Variants in RARB observed in about 807,000 individuals in gnomAD.
The protein encoded by RARB is HBV-activated protein.
RARB carries 17 observed loss-of-function variants against 51.9 expected under a neutral mutation model. The ratio of observed to expected loss-of-function variants is 0.33; its 90% CI spans 0.22 to 0.49. The LOEUF is 0.49. Among genes scored for constraint, RARB ranks in the 20% least tolerant of loss-of-function variants. The probability of loss-of-function intolerance (pLI) is 0.99; values close to 1 mark genes in which losing one functional copy is unlikely to be tolerated. For synonymous variants in RARB, 215 were observed against 195.4 expected, an observed-to-expected ratio of 1.10 and a Z score of -0.84; for missense variants, 369 against 550.8, an observed-to-expected ratio of 0.67 and a Z score of 3.30.
At chr3:25,393,394 T>C (rs1362303891) in intron 5 of RARB, among the ~76,000 whole-genome samples, 2 of 151,994 alleles carry the variant, frequency 1.3e-5, no homozygotes, top group African/African-American at 2.4e-5. Context: ...TAGGGTGATA[T>C]TGGCTTCATA....
chr3:25,510,444 T>C (rs941574153), intron 3 of RARB, among the ~76,000 whole-genome samples: 2 of 151,660 alleles, frequency 1.3e-5, no homozygotes, highest in African/African-American at 4.8e-5. Flanking sequence ...GGCAACACAG[T>C]GAAACCCTGT....
At chr3:25,272,125 A>C (rs1263141738) in intron 5 of RARB, among the ~76,000 whole-genome samples, 1 of 152,250 alleles carries the variant, frequency 6.6e-6, no homozygotes, top group Admixed American at 6.5e-5. Flanking sequence ...GAAAGTATAG[A>C]TATAAAACAT....
intron 5 of RARB, among the ~76,000 whole-genome samples, chr3:25,363,577 A>T (rs76368690): frequency 2.6e-3 from 396 of 152,258 alleles, no homozygotes; most frequent in Non-Finnish European, 3.1e-3. Context: ...ACTCCACCAC[A>T]GTATGGGTCT....
At chr3:25,128,110 A>G (rs1004108251) in intron 3 of RARB, among the ~76,000 whole-genome samples, 1 of 152,200 alleles carries the variant, frequency 6.6e-6, no homozygotes, top group African/African-American at 2.4e-5. Context: ...TCACTGGGGT[A>G]TTTAATTCCT....
intron 4 of RARB, among the ~76,000 whole-genome samples, chr3:25,157,872 G>A (rs1026214511): frequency 2.0e-5 from 3 of 151,984 alleles, no homozygotes; most frequent in Admixed American, 6.6e-5. Flanking sequence ...TTATTTGCAC[G>A]GTGTGAATTC....
intron 2 of RARB, among the ~76,000 whole-genome samples, chr3:24,908,662 T>TG (rs1694922635): frequency 1.2e-5 from 1 of 86,414 alleles, no homozygotes; most frequent in Non-Finnish European, 2.2e-5. Context: ...TAACCACAAC[T>TG]GTTTTTTTTT....
chr3:25,583,001 G>A (rs1309482628), intron 5 of RARB, among the ~76,000 whole-genome samples: 2 of 152,218 alleles, frequency 1.3e-5, no homozygotes, highest in African/African-American at 4.8e-5. Flanking sequence ...GGCAATTTCA[G>A]CCCTGTGGTG....
chr3:25,250,213 C>G (rs1702677773), intron 5 of RARB, among the ~76,000 whole-genome samples: 1 of 152,056 alleles, frequency 6.6e-6, no homozygotes, highest in Admixed American at 6.5e-5. Context: ...GTGAGGGATG[C>G]CAACAATGGT....
chr3:25,007,592 C>CAAAGAAAAAAAAAAAAAA (rs1697299409), intron 2 of RARB, among the ~76,000 whole-genome samples: 1 of 45,418 alleles, frequency 2.2e-5, no homozygotes, highest in African/African-American at 1.1e-4. Context: ...GAGACTGTCT[C>CAAAGAAAAAAAAAAAAAA]AAAAAAAAAA....
intron 3 of RARB, among the ~76,000 whole-genome samples, chr3:25,090,327 C>G (rs1487368648): frequency 6.6e-6 from 1 of 152,148 alleles, no homozygotes; most frequent in Non-Finnish European, 1.5e-5. Context: ...CTCTATGCTT[C>G]TGGTGTTCGT....
At chr3:25,371,174 C>T (rs1214428857) in intron 5 of RARB, among the ~76,000 whole-genome samples, 2 of 152,108 alleles carry the variant, frequency 1.3e-5, no homozygotes, top group South Asian at 2.1e-4. Flanking sequence ...TGTTGAGAAG[C>T]GGGACTTTGA....
At chr3:25,425,344 C>T (rs969226517), upstream of RARB, among the ~76,000 whole-genome samples, 1 of 152,020 alleles carries the variant, frequency 6.6e-6, no homozygotes, top group Non-Finnish European at 1.5e-5. Context: ...AATTTGGAGA[C>T]AGAATCAAGT....
intron 2 of RARB, among the ~76,000 whole-genome samples, chr3:24,861,594 TAAAAAAAAAAAA>T (rs3057186): frequency 7.3e-6 from 1 of 137,850 alleles, no homozygotes; most frequent in African/African-American, 2.6e-5. Context: ...TAACTTGTTA[TAAAAAAAAAAAA>T]AAAAAAAAAC....
At chr3:25,224,363 C>G (rs918055203) in intron 5 of RARB, among the ~76,000 whole-genome samples, 2 of 152,008 alleles carry the variant, frequency 1.3e-5, no homozygotes, top group African/African-American at 4.8e-5. Context: ...TTATAAGGTG[C>G]CAGCTACAGA....
At chr3:24,986,182 T>A (rs1310987468) in intron 2 of RARB, among the ~76,000 whole-genome samples, 2 of 152,224 alleles carry the variant, frequency 1.3e-5, no homozygotes, top group African/African-American at 2.4e-5. Flanking sequence ...TGTCTGTGTG[T>A]TCCTGCCATG....
chr3:25,179,928 A>T (rs1167493120), intron 5 of RARB, among the ~76,000 whole-genome samples: 1 of 152,170 alleles, frequency 6.6e-6, no homozygotes, highest in East Asian at 1.9e-4. Context: ...TTTTGCACCA[A>T]CCTAATAATC....
chr3:25,407,106 G>C (rs891970912), intron 5 of RARB, among the ~76,000 whole-genome samples: 1 of 152,028 alleles, frequency 6.6e-6, no homozygotes, highest in South Asian at 2.1e-4. Flanking sequence ...CGATCTTTTC[G>C]GGATATTTCT....
chr3:25,106,260 C>T (rs1043305791), intron 3 of RARB, among the ~76,000 whole-genome samples: 9 of 31,486 alleles, frequency 2.9e-4, no homozygotes, highest in African/African-American at 1.2e-3. Flanking sequence ...CGGAGAAATG[C>T]ATGTTTCATA....
upstream of RARB, among the ~76,000 whole-genome samples, chr3:25,427,390 T>C (rs1708024508): frequency 6.6e-6 from 1 of 152,212 alleles, no homozygotes. Context: ...ATGAGGAAAC[T>C]GAAGCCTGAA....
Sources: allele counts gnomAD v4.1 joint callset (sites outside exome capture counted in the v4.1 genomes callset), GRCh38; gene constraint gnomAD v4.1.1; transcripts MANE v1.5; gene names NCBI Gene and HGNC (gene_info 2026-07-23, HGNC 2026-07-21).